CRYBG3: variants seen among roughly 807,000 people sequenced by gnomAD.
CRYBG3 encodes crystallin beta-gamma domain containing 3, also known as very large A-kinase anchor protein.
A neutral mutation model predicts 244.2 loss-of-function variants in CRYBG3; 127 were observed. The observed-to-expected ratio is 0.52, with a 90% CI of 0.45 to 0.60. The LOEUF is 0.60. CRYBG3 is among the 20% of genes least tolerant of loss of function. CRYBG3 has a pLI of 0.00. For missense variants in CRYBG3, 3,325 were observed against 3,442.5 expected (o/e 0.97, Z 0.85); for synonymous variants, 1,132 against 1,195.8 (o/e 0.95, Z 1.10).
intron 3 of CRYBG3, among the ~76,000 whole-genome samples, chr3:97,871,069 A>G (rs1007548468): frequency 1.3e-5 from 2 of 152,176 alleles, no homozygotes; most frequent in East Asian, 1.9e-4. Context: ...GTAATTGGCT[A>G]TAAGATAGTA....
Position 97,914,264 on chromosome 3 carries a change from T to TAC in CRYBG3, c.8115-1334_8115-1333dup, listed in dbSNP as rs531839099. Reference sequence around the variant, plus strand: ...AGAGATCTGCAACTCTAATAAGAAATACACACACACACAGCAAGGACCTGA... The same window carrying TAC: ...AGAGATCTGCAACTCTAATAAGAAATACACACACACACACAGCAAGGACCTGA... On this transcript the variant is annotated intron_variant, in intron 16 of 21. Coordinates refer to ENST00000389622, the MANE Select transcript of CRYBG3 (RefSeq NM_153605.4). 1.3e-3 allele frequency among the ~76,000 whole-genome samples: 198 copies of TAC among 152,018 alleles called. 1 individual carries two copies. Among genetic ancestry groups the TAC allele is most frequent in the African/African-American group, 3.6e-3 (148 of 41,496 alleles).
chr3:97,875,755 G>A lies in CRYBG3; in HGVS notation c.4561G>A (p.Asp1521Asn). The change falls in exon 4 of 22, where the codon GAT (aspartate) becomes AAT (asparagine). Residue 1521 changes from aspartate (D) to asparagine (N), a missense_variant. Physicochemically the swap from Asp to Asn is conservative, Grantham distance 23. This residue lies in a region of CRYBG3 where 635 missense variants were observed against 771.7 expected (regional missense o/e 0.82). Transcript: ENST00000389622. ...HSKNTPLAMS[D>N]VGKVHKKDNE... ...TAAAAACACACCTCTTGCAATGTCA[G>A]ATGTAGGGAAAGTACACAAGAAGGA... The A allele has an allele frequency of 8.1e-7, 1 of 1,232,086 alleles. No homozygotes were observed. The highest frequency in any genetic ancestry group is 1.0e-6 in the Non-Finnish European group (1 of 987,936). 76.3% of individuals were successfully genotyped at this position (1,232,086 alleles called of 1,614,324 possible). A position where few individuals can be genotyped will look rare whatever the true frequency, so the allele number is the denominator to read the frequency against.
chr3:97,898,102 C>T (rs534353052), intron 12 of CRYBG3, among the ~76,000 whole-genome samples: 1 of 151,846 alleles, frequency 6.6e-6, no homozygotes, highest in African/African-American at 2.4e-5. Flanking sequence ...CACCTGTAGT[C>T]CCAACTACTC....
chr3:97,870,957 G>C (rs772926960), intron 3 of CRYBG3, among the ~76,000 whole-genome samples: 5 of 152,184 alleles, frequency 3.3e-5, no homozygotes, highest in Non-Finnish European at 7.3e-5. Flanking sequence ...CATCTTAGTA[G>C]TAGAGGGATA....
rs976320667 is a variant in CRYBG3 at position 97,874,288 on chromosome 3, C to T, written c.3094C>T (p.Pro1032Ser). ...TGAGGACTCAAGCTTCCTTAAAGTA[C>T]CTTCTGTGCTGAAATTGGAAAAGAA... ...ASEDSSFLKV[P>S]SVLKLEKKSS... Residue 1032 changes from proline (P) to serine (S), a missense_variant, in exon 4 of 22, where the codon CCT becomes TCT. Transcript: ENST00000389622. The T allele has an allele frequency of 1.3e-6, 2 of 1,529,336 alleles. No homozygotes were observed. The highest frequency in any genetic ancestry group is 2.8e-5 in the African/African-American group (2 of 72,486). 94.7% of individuals were successfully genotyped at this position (1,529,336 alleles called of 1,614,324 possible). A position where few individuals can be genotyped will look rare whatever the true frequency, so the allele number is the denominator to read the frequency against.
At chr3:97,892,682 A>C (rs768359698) in intron 10 of CRYBG3, among the ~76,000 whole-genome samples, 178 bp from the exon 11 acceptor site, 10 of 152,102 alleles carry the variant, frequency 6.6e-5, no homozygotes, top group Non-Finnish European at 1.2e-4. Flanking sequence ...TTGGTGCAAA[A>C]AATTTTGCAA....
intron 2 of CRYBG3, among the ~76,000 whole-genome samples, chr3:97,857,756 G>GT (rs535244710): frequency 9.2e-5 from 14 of 151,888 alleles, no homozygotes; most frequent in East Asian, 1.9e-4. Flanking sequence ...GTTGAGTTCT[G>GT]TTTTTTTATC....
chr3:97,890,044 C>T (rs2039557537), intron 10 of CRYBG3, among the ~76,000 whole-genome samples: 1 of 152,168 alleles, frequency 6.6e-6, no homozygotes, highest in South Asian at 2.1e-4. Flanking sequence ...GGGATTCATT[C>T]GTCTTCCTCT....
chr3:97,925,752 TA>T (rs2040033640), intron 17 of CRYBG3, among the ~76,000 whole-genome samples: 1 of 152,078 alleles, frequency 6.6e-6, no homozygotes, highest in Non-Finnish European at 1.5e-5. Flanking sequence ...TTATTTATTT[TA>T]AAATGTGATA....
At chr3:97,887,780 A>C (rs1198097856) in intron 8 of CRYBG3, among the ~76,000 whole-genome samples, 1 of 152,018 alleles carries the variant, frequency 6.6e-6, no homozygotes, top group African/African-American at 2.4e-5. Flanking sequence ...AAAAACAAAA[A>C]CAAAAAACAA....
chr3:97,856,147 A>G (rs544207309), intron 2 of CRYBG3, among the ~76,000 whole-genome samples: 2 of 152,206 alleles, frequency 1.3e-5, no homozygotes, highest in South Asian at 4.2e-4. Flanking sequence ...TCTCTTTACC[A>G]GGGATGTTCC....
Position 97,876,480 on chromosome 3 carries a change from A to G in CRYBG3, c.5286A>G (p.Val1762=). The part of the protein sequence containing the change: ...KTEVMPLALE[V]VNTYQKNAKG... ...AGGTGATGCCCCTTGCATTAGAGGT[A>G]GTAAATACTTACCAAAAAAATGCCA... Residue 1762 remains valine (V), a synonymous_variant, in exon 4 of 22, where the codon GTA becomes GTG. Transcript: ENST00000389622. 17 of 1,232,158 alleles carry G rather than the reference A, an allele frequency of 1.4e-5. No individual in the cohort carries two copies. Among genetic ancestry groups the G allele is most frequent in the Non-Finnish European group, 1.6e-5 (16 of 987,966 alleles). The allele number at this position is 1,232,158 out of a possible 1,614,324, so 76.3% of individuals were successfully genotyped here. A position where few individuals can be genotyped will look rare whatever the true frequency, so the allele number is the denominator to read the frequency against.
At chr3:97,923,872 C>G in intron 17 of CRYBG3, among the ~76,000 whole-genome samples, 1 of 151,850 alleles carries the variant, frequency 6.6e-6, no homozygotes, top group Admixed American at 6.6e-5. Flanking sequence ...ATGGTCTTCC[C>G]CAAATTAATA....
chr3:97,824,266 T>G (rs563752320), intron 1 of CRYBG3, among the ~76,000 whole-genome samples: 1 of 152,308 alleles, frequency 6.6e-6, no homozygotes. Flanking sequence ...AGAATTGCAA[T>G]TTGTCACTGT....
rs1361677310 is a variant in CRYBG3 at position 97,908,938 on chromosome 3, G to T, written c.8005-3229G>T. Among the ~76,000 whole-genome samples the T allele has an allele frequency of 2.6e-5, 4 of 152,008 alleles. No individual in the cohort carries two copies. The East Asian group carries it at 7.7e-4, about 29-fold the overall frequency. On this transcript the variant is annotated intron_variant, in intron 15 of 21. Coordinates refer to ENST00000389622, the MANE Select transcript of CRYBG3 (RefSeq NM_153605.4). ...TCCTTCAGGAGCTCTTTTAGGGCAG[G>T]CCTGGTGGTGACAAAATCTCTCAGC...
intron 1 of CRYBG3, among the ~76,000 whole-genome samples, chr3:97,823,831 A>G (rs1472391525): frequency 6.6e-6 from 1 of 152,194 alleles, no homozygotes; most frequent in Non-Finnish European, 1.5e-5. Context: ...CATGTCAGTA[A>G]TGGCCTGAAA....
In CRYBG3 at chr3:97,876,560, G is replaced by A. The variant is rs989495785; in HGVS notation, c.5366G>A (p.Arg1789Gln). ...GSVLKMEATY[R>Q]KTAEEVIKNT... The stretch of plus-strand genomic sequence containing the variant: ...GTGTTGAAAATGGAAGCTACTTACC[G>A]AAAGACTGCTGAAGAGGTCATTAAG... Residue 1789 changes from arginine (R) to glutamine (Q), a missense_variant, in exon 4 of 22, where the codon CGA (arginine) becomes CAA (glutamine). Transcript: ENST00000389622. 8.9e-6 allele frequency: 11 copies of A among 1,232,084 alleles called. No homozygotes were observed. The highest frequency in any genetic ancestry group is 4.7e-5 in the African/African-American group (3 of 64,394). 76.3% of individuals were successfully genotyped at this position (1,232,084 alleles called of 1,614,324 possible). A position where few individuals can be genotyped will look rare whatever the true frequency, so the allele number is the denominator to read the frequency against.
chr3:97,880,197 T>C (rs927178165), intron 6 of CRYBG3, 97 bp downstream of exon 6: 1 of 614,298 alleles, frequency 1.6e-6, no homozygotes, highest in Admixed American at 3.2e-5. Context: ...TGAAGTCATA[T>C]TCTCCTTCCT....
rs565766026 is a variant in CRYBG3, at chr3:97,839,465, C to T, written c.150-3730C>T. On this transcript the variant is annotated intron_variant, in intron 1 of 21. Transcript: ENST00000389622. Reference sequence around the variant, plus strand: ...TTGTTGAGTAATTTTTTCCCACCAGCTCCACTCCCTACTTAATGGTTTTAG... The same window carrying T: ...TTGTTGAGTAATTTTTTCCCACCAGTTCCACTCCCTACTTAATGGTTTTAG... 7.2e-5 allele frequency among the ~76,000 whole-genome samples: 11 copies of T among 152,174 alleles called. No homozygotes were observed. The South Asian group carries it at 2.3e-3, about 32-fold the overall frequency.
Sources: allele counts gnomAD v4.1 joint callset (sites outside exome capture counted in the v4.1 genomes callset), GRCh38; gene constraint gnomAD v4.1.1; regional missense constraint gnomAD v4.1.1; transcripts MANE v1.5; gene names NCBI Gene and HGNC (gene_info 2026-07-23, HGNC 2026-07-21).